Variants in FAM168A observed in about 807,000 individuals in gnomAD.
FAM168A encodes the protein protein FAM168A.
FAM168A carries 3 observed loss-of-function variants against 28.5 expected under a neutral mutation model. That is an observed-to-expected ratio of 0.11 (90% CI 0.05 to 0.27). The LOEUF (loss-of-function observed/expected upper bound fraction) is 0.27. Among genes scored for constraint, FAM168A ranks in the 10% least tolerant of loss-of-function variants. FAM168A has a pLI of 1.00. For missense variants in FAM168A, 222 were observed against 311.5 expected, an observed-to-expected ratio of 0.71 and a Z score of 2.16; for synonymous variants, 122 against 124.2, an observed-to-expected ratio of 0.98 and a Z score of 0.12.
chr11:73,590,071 T>G (rs1944363808), intron 1 of FAM168A, among the ~76,000 whole-genome samples: 1 of 152,104 alleles, frequency 6.6e-6, no homozygotes, highest in South Asian at 2.1e-4. Context: ...TTATTCTAAT[T>G]TTTTACATTT....
chr11:73,555,257 A>C (rs1943876252), intron 1 of FAM168A, among the ~76,000 whole-genome samples: 1 of 152,190 alleles, frequency 6.6e-6, no homozygotes, highest in Non-Finnish European at 1.5e-5. Flanking sequence ...GTCTACCATT[A>C]AGCCAAGCAG....
At chr11:73,573,616 G>C (rs1293282265) in intron 1 of FAM168A, among the ~76,000 whole-genome samples, 1 of 152,118 alleles carries the variant, frequency 6.6e-6, no homozygotes, top group Non-Finnish European at 1.5e-5. Flanking sequence ...TATAGTTCAA[G>C]GGAAATTTTA....
At chr11:73,502,103 A>G (rs1297088695) in intron 1 of FAM168A, among the ~76,000 whole-genome samples, 1 of 146,726 alleles carries the variant, frequency 6.8e-6, no homozygotes, top group Non-Finnish European at 1.5e-5. Context: ...TTTGTCTCGA[A>G]AAAAAAAAAA....
At chr11:73,522,806 A>G (rs1264730789) in intron 1 of FAM168A, among the ~76,000 whole-genome samples, 1 of 151,844 alleles carries the variant, frequency 6.6e-6, no homozygotes, top group Non-Finnish European at 1.5e-5. Flanking sequence ...TGAAGTCAGG[A>G]GTTTGTGACC....
intron 1 of FAM168A, among the ~76,000 whole-genome samples, chr11:73,526,317 G>C (rs1418351260): frequency 6.6e-6 from 1 of 152,104 alleles, no homozygotes; most frequent in Non-Finnish European, 1.5e-5. Context: ...CAATGGGTTG[G>C]CAAAAATTAT....
intron 4 of FAM168A, among the ~76,000 whole-genome samples, chr11:73,418,789 A>G (rs1007969436): frequency 2.0e-5 from 3 of 151,836 alleles, no homozygotes; most frequent in Non-Finnish European, 4.4e-5. Context: ...TATGGAGTCA[A>G]AATGCCACTC....
intron 3 of FAM168A, 189 bp downstream of exon 3, chr11:73,430,501 T>C (rs766051828): frequency 1.8e-6 from 1 of 566,904 alleles, no homozygotes; most frequent in African/African-American, 1.9e-5. Context: ...GTGGAGGAGA[T>C]TCTATTCCCG....
At chr11:73,586,685 A>G (rs1423074096) in intron 1 of FAM168A, among the ~76,000 whole-genome samples, 1 of 152,222 alleles carries the variant, frequency 6.6e-6, no homozygotes, top group Non-Finnish European at 1.5e-5. Flanking sequence ...GTGAAAAACC[A>G]AAGTCATTAT....
At chr11:73,425,786 C>A (rs975503271) in intron 3 of FAM168A, among the ~76,000 whole-genome samples, 21 of 152,118 alleles carry the variant, frequency 1.4e-4, no homozygotes, top group African/African-American at 4.8e-4. Flanking sequence ...AGGGTCTTAC[C>A]ATGTTGCCCA....
chr11:73,440,574 G>A (rs1867175738), intron 2 of FAM168A, among the ~76,000 whole-genome samples: 1 of 152,122 alleles, frequency 6.6e-6, no homozygotes, highest in Non-Finnish European at 1.5e-5. Context: ...AGGCTGCAGT[G>A]AGCCGTGACT....
intron 1 of FAM168A, among the ~76,000 whole-genome samples, chr11:73,571,234 T>TCCCCCC (rs375850220): frequency 2.4e-4 from 12 of 49,460 alleles, no homozygotes; most frequent in East Asian, 1.3e-3. Flanking sequence ...CCCCTCCCCC[T>TCCCCCC]CCCCCCCCCC....
chr11:73,486,361 C>T (rs964878241), intron 1 of FAM168A, among the ~76,000 whole-genome samples: 1 of 152,118 alleles, frequency 6.6e-6, no homozygotes, highest in African/African-American at 2.4e-5. Flanking sequence ...ACACTAACTC[C>T]CCATTCTCCT....
intron 1 of FAM168A, among the ~76,000 whole-genome samples, chr11:73,588,861 G>C (rs963905955): frequency 6.6e-6 from 1 of 152,176 alleles, no homozygotes; most frequent in Non-Finnish European, 1.5e-5. Context: ...GGGTGGGGCT[G>C]CCATGATGGA....
intron 2 of FAM168A, among the ~76,000 whole-genome samples, chr11:73,450,827 G>C (rs1315272861): frequency 2.6e-5 from 4 of 152,238 alleles, no homozygotes; most frequent in Non-Finnish European, 5.9e-5. Flanking sequence ...TTCAGAAGAG[G>C]AATTCTCCTA....
rs184646659 is a variant in FAM168A at position 73,561,748 on chromosome 11, C to T, written c.-19+36175G>A. Among the ~76,000 whole-genome samples the T allele has an allele frequency of 1.2e-4, 18 of 152,120 alleles. No individual in the cohort carries two copies. In the East Asian group the frequency reaches 2.9e-3, roughly 24 times the overall value. On this transcript the variant is annotated intron_variant, in intron 1 of 7. Transcript: ENST00000356467. ...TTCACAAACCAAGATCTTTATGAGG[C>T]CTCCCTTCTTTTACTGAAATAACTT...
intron 1 of FAM168A, among the ~76,000 whole-genome samples, chr11:73,477,952 G>C (rs902989024): frequency 6.6e-6 from 1 of 151,198 alleles, no homozygotes; most frequent in Admixed American, 6.6e-5. Context: ...TAGATAGATA[G>C]ATAGATAGAT....
chr11:73,484,544 C>CTA (rs1401594033), intron 1 of FAM168A, among the ~76,000 whole-genome samples: 2 of 134,066 alleles, frequency 1.5e-5, no homozygotes, highest in Admixed American at 7.4e-5. Flanking sequence ...ATCTATATAT[C>CTA]TATCTATATC....
chr11:73,525,944 T>C (rs1373296016), intron 1 of FAM168A, among the ~76,000 whole-genome samples: 1 of 152,224 alleles, frequency 6.6e-6, no homozygotes, highest in Non-Finnish European at 1.5e-5. Flanking sequence ...ACATAAAGAA[T>C]ATGAAAGTTT....
intron 1 of FAM168A, among the ~76,000 whole-genome samples, chr11:73,571,229 CCCCCT>C (rs1944082984): frequency 1.7e-5 from 1 of 60,430 alleles, no homozygotes; most frequent in Non-Finnish European, 2.9e-5. Flanking sequence ...CTCTCCCCCT[CCCCCT>C]CCCCCCCCCC....
Sources: allele counts gnomAD v4.1 joint callset (sites outside exome capture counted in the v4.1 genomes callset), GRCh38; gene constraint gnomAD v4.1.1; transcripts MANE v1.5; gene names NCBI Gene and HGNC (gene_info 2026-07-23, HGNC 2026-07-21).